The following HEATR4 variants were observed in gnomAD, a reference collection of about 807,000 sequenced individuals.
HEATR4 encodes HEAT repeat-containing protein 4.
A neutral mutation model predicts 108.8 loss-of-function variants in HEATR4; 95 were observed. That is an observed-to-expected ratio of 0.87 (90% CI 0.74 to 1.04). The LOEUF is 1.04. Among genes scored for constraint, HEATR4 ranks in the 50% least tolerant of loss-of-function variants. The pLI, the probability that HEATR4 is intolerant of heterozygous loss-of-function variation, is 0.00. For synonymous variants in HEATR4, 443 were observed against 459.4 expected (o/e 0.96, Z 0.46); for missense variants, 1,152 against 1,253.8 (o/e 0.92, Z 1.23).
rs1437349235 is a variant in HEATR4, at chr14:73,537,128, G to A, written c.-151-6884C>T. ...CCTCCCGAGTAGCCGGGACGAACCA[G>A]TCCTGGCCCAGCCCATTCCGCGAGC... On this transcript the variant is annotated intron_variant, in intron 1 of 17. Transcript: ENST00000553558. 9 of 310,874 alleles carry A rather than the reference G, an allele frequency of 2.9e-5. 3 individuals are homozygous for A. The highest frequency in any genetic ancestry group is 5.0e-5 in the Non-Finnish European group (9 of 181,766). 19.3% of individuals were successfully genotyped at this position (310,874 alleles called of 1,614,324 possible).
chr14:73,604,160 A>ATTTT, the HEATR4 span, among the ~76,000 whole-genome samples: 2 of 91,412 alleles, frequency 2.2e-5, no homozygotes, highest in Non-Finnish European at 2.1e-5. Flanking sequence ...TCATTTGCTA[A>ATTTT]TTTCTTTTTT....
the HEATR4 span, among the ~76,000 whole-genome samples, chr14:73,620,162 C>T: frequency 6.6e-6 from 1 of 152,092 alleles, no homozygotes; most frequent in Non-Finnish European, 1.5e-5. Context: ...ATGCCTACCT[C>T]ACTCAGCCTC....
At chr14:73,494,719 TTTTA>T (rs1465207181) in intron 16 of HEATR4, among the ~76,000 whole-genome samples, 4 of 151,898 alleles carry the variant, frequency 2.6e-5, no homozygotes, top group African/African-American at 9.7e-5. Flanking sequence ...CCCAGATAAT[TTTTA>T]TTTATTTATT....
At chr14:73,496,742 G>C (rs1264624764) in intron 14 of HEATR4, 63 bp from the exon 15 acceptor site, 1 of 880,376 alleles carries the variant, frequency 1.1e-6, no homozygotes, top group Non-Finnish European at 1.9e-6. Flanking sequence ...TATGGGGGTA[G>C]AAAATATAGG....
intron 2 of HEATR4, among the ~76,000 whole-genome samples, chr14:73,524,976 G>A (rs1378552277): frequency 4.6e-5 from 7 of 151,964 alleles, no homozygotes; most frequent in Admixed American, 3.3e-4. Context: ...AAAAGTGACC[G>A]TATTGTATTT....
upstream of HEATR4, among the ~76,000 whole-genome samples, chr14:73,561,485 C>T (rs972193733): frequency 1.3e-5 from 2 of 151,780 alleles, no homozygotes; most frequent in Admixed American, 1.3e-4. Flanking sequence ...GTCAGGAGTT[C>T]GAGACCAGCT....
In HEATR4 at chr14:73,546,710, T is replaced by A. The variant is rs1045845154; in HGVS notation, c.-152+12041A>T. On this transcript the variant is annotated intron_variant, in intron 1 of 17. Coordinates refer to ENST00000553558, the MANE Select transcript of HEATR4 (RefSeq NM_001220484.1). Reference sequence around the variant, plus strand: ...TTGAAAGACATTTTTCTTTTCACTTTCAACCCATGCACACTGTGAACACTG... The same window carrying A: ...TTGAAAGACATTTTTCTTTTCACTTACAACCCATGCACACTGTGAACACTG... Among the ~76,000 whole-genome samples the A allele has an allele frequency of 1.8e-5, 2 of 113,722 alleles. 1 individual carries two copies. The highest frequency in any genetic ancestry group is 5.6e-5 in the African/African-American group (2 of 35,716). 74.6% of individuals were successfully genotyped at this position (113,722 alleles called of 152,430 possible). A position where few individuals can be genotyped will look rare whatever the true frequency, so the allele number is the denominator to read the frequency against.
At chr14:73,612,514 G>T in the HEATR4 span, 2 of 1,143,260 alleles carry the variant, frequency 1.7e-6, no homozygotes, top group South Asian at 4.8e-5. Flanking sequence ...CGGCAAAGCC[G>T]CCAGGCCCGC....
Position 73,514,244 on chromosome 14 carries a change from G to A in HEATR4, c.1211-10C>T, listed in dbSNP as rs768227249. On this transcript the variant is annotated splice_polypyrimidine_tract_variant and intron_variant, in intron 5 of 17. Transcript: ENST00000553558. The stretch of plus-strand genomic sequence containing the variant: ...TGCACAGGTCTGTAAGCTGTGCAAC[G>A]TGGCAGTGTGAGGTCTTTTCACCCC... 4 of 1,612,796 alleles carry A rather than the reference G, an allele frequency of 2.5e-6. No individual in the cohort carries two copies. Among genetic ancestry groups the A allele is most frequent in the East Asian group, 2.2e-5 (1 of 44,856 alleles).
chr14:73,517,734 G>GAGACATGGGGGAAGAGAGGAAAGA (rs1566837510), intron 5 of HEATR4, among the ~76,000 whole-genome samples: 30 of 150,768 alleles, frequency 2.0e-4, no homozygotes, highest in Non-Finnish European at 7.4e-5. Flanking sequence ...GAGAGGAAAG[G>GAGACATGGGGGAAGAGAGGAAAGA]GAGACATGAA....
Position 73,503,960 on chromosome 14 carries a change from A to G in HEATR4, c.1987-947T>C, listed in dbSNP as rs1190012282. Among the ~76,000 whole-genome samples the G allele has an allele frequency of 3.3e-5, 5 of 152,286 alleles. No homozygotes were observed. In the South Asian group the frequency reaches 6.2e-4, roughly 19 times the overall value. On this transcript the variant is annotated intron_variant, in intron 10 of 17. Coordinates refer to ENST00000553558, the MANE Select transcript of HEATR4 (RefSeq NM_001220484.1). ...CATGTCTTTTTACTTTCAGTTGTCA[A>G]TTCTAAGTGACAAGTGCCAAGGAGG...
Position 73,538,610 on chromosome 14 carries a change from T to TC in HEATR4, c.-151-8367dup, listed in dbSNP as rs1305052419. ...CTGGGCAATAGAGTGAGACTCCGTC[T>TC]CAAAAAAAAAAAAAAAAAAAGGCAT... On this transcript the variant is annotated intron_variant, in intron 1 of 17. Transcript: ENST00000553558. 4.3e-4 allele frequency among the ~76,000 whole-genome samples: 16 copies of TC among 37,210 alleles called. 3 individuals are homozygous for TC. The highest frequency in any genetic ancestry group is 2.0e-3 in the African/African-American group (16 of 7,896). The allele number at this position is 37,210 out of a possible 152,430, so 24.4% of individuals were successfully genotyped here. A position where few individuals can be genotyped will look rare whatever the true frequency, so the allele number is the denominator to read the frequency against.
the HEATR4 span, among the ~76,000 whole-genome samples, chr14:73,617,941 T>C: frequency 6.6e-6 from 1 of 151,162 alleles, no homozygotes; most frequent in South Asian, 2.1e-4. Flanking sequence ...GGTCAGGAGT[T>C]TGAGACCAGC....
intron 14 of HEATR4, among the ~76,000 whole-genome samples, chr14:73,497,717 C>T (rs890986578): frequency 2.0e-5 from 3 of 152,142 alleles, no homozygotes; most frequent in African/African-American, 7.2e-5. Context: ...ACCTCCACTT[C>T]CCAGGTTCAA....
chr14:73,489,241 A>G (rs1051101524), intron 17 of HEATR4, among the ~76,000 whole-genome samples: 6 of 152,090 alleles, frequency 3.9e-5, no homozygotes, highest in Non-Finnish European at 5.9e-5. Flanking sequence ...CCCCTATATG[A>G]CATTGCCAAA....
At chr14:73,505,018 G>A (rs1257359185) in intron 10 of HEATR4, among the ~76,000 whole-genome samples, 2 of 150,882 alleles carry the variant, frequency 1.3e-5, no homozygotes, top group South Asian at 2.1e-4. Context: ...TGAAACCGCC[G>A]CCTCCCAGGT....
rs1277304256 is a variant in HEATR4 at position 73,523,076 on chromosome 14, CCCCAT to C, written c.72_76del (p.Trp25HisfsTer63). 6.2e-7 allele frequency: 1 copy of C among 1,613,060 alleles called. No individual in the cohort carries two copies. Among genetic ancestry groups the C allele is most frequent in the Non-Finnish European group, 8.5e-7 (1 of 1,179,984 alleles). Reference sequence around the variant, plus strand: ...CAATTTTGAGTAGTTTAAAATCATGCCCCATCCCAGTCGTGGGGGCAGTGACTGAT... The same window carrying C: ...CAATTTTGAGTAGTTTAAAATCATGCCCCAGTCGTGGGGGCAGTGACTGAT... On this transcript the variant is annotated frameshift_variant, in exon 3 of 18. Transcript: ENST00000553558. LOFTEE classifies it high-confidence loss of function.
At chr14:73,496,417 ACCTTGTAAC>A (rs1425329004) in intron 15 of HEATR4, among the ~76,000 whole-genome samples, 175 bp downstream of exon 15, 1 of 152,176 alleles carries the variant, frequency 6.6e-6, no homozygotes, top group Non-Finnish European at 1.5e-5. Context: ...TACTAGTAGG[ACCTTGTAAC>A]CCAATCTTGC....
At chr14:73,500,968 C>G (rs1465492334) in intron 11 of HEATR4, among the ~76,000 whole-genome samples, 1 of 152,194 alleles carries the variant, frequency 6.6e-6, no homozygotes, top group African/African-American at 2.4e-5. Flanking sequence ...CACTGAATGA[C>G]TGAATAAAGG....
Sources: allele counts gnomAD v4.1 joint callset (sites outside exome capture counted in the v4.1 genomes callset), GRCh38; gene constraint gnomAD v4.1.1; transcripts MANE v1.5; gene names NCBI Gene and HGNC (gene_info 2026-07-23, HGNC 2026-07-21).